ADARB2: variants seen among roughly 807,000 people sequenced by gnomAD.
ADARB2 encodes inactive double-stranded RNA-specific editase B2.
ADARB2 carries 25 observed loss-of-function variants against 62.2 expected under a neutral mutation model. The ratio of observed to expected loss-of-function variants is 0.40; its 90% CI spans 0.29 to 0.56. The LOEUF (loss-of-function observed/expected upper bound fraction) is 0.56, where lower values mean the gene tolerates loss of function less well. Among genes scored for constraint, ADARB2 ranks in the 20% least tolerant of loss-of-function variants. The pLI, the probability that ADARB2 is intolerant of heterozygous loss-of-function variation, is 0.43. For missense variants in ADARB2, 1,071 were observed against 1,077.4 expected, an observed-to-expected ratio of 0.99 and a Z score of 0.08; for synonymous variants, 572 against 500.8, an observed-to-expected ratio of 1.14 and a Z score of -1.90.
intron 1 of ADARB2, among the ~76,000 whole-genome samples, chr10:1,596,466 A>G (rs1347025271): frequency 6.6e-6 from 1 of 152,222 alleles, no homozygotes; most frequent in East Asian, 1.9e-4. Flanking sequence ...AAAGTCCGGC[A>G]CCGGGAGAGA....
chr10:1,271,330 A>G (rs1831260554), intron 3 of ADARB2, among the ~76,000 whole-genome samples: 1 of 152,208 alleles, frequency 6.6e-6, no homozygotes, highest in Admixed American at 6.5e-5. Flanking sequence ...GAGCTCTGCC[A>G]ACCTCCCCAT....
At chr10:1,540,082 C>T (rs1187611066) in intron 1 of ADARB2, among the ~76,000 whole-genome samples, 3 of 152,118 alleles carry the variant, frequency 2.0e-5, no homozygotes, top group African/African-American at 4.8e-5. Flanking sequence ...TTATCTGAAT[C>T]GTGGCAGCTC....
In ADARB2 at chr10:1,696,566, T is replaced by C. The variant is rs1256065208; in HGVS notation, c.100+40485A>G. ...ATTGCTTTGTCCTCTGAGGGTATGT[T>C]ATCAGAGGTGGTAGACATTTAGGCC... On this transcript the variant is annotated intron_variant, in intron 1 of 9. Transcript: ENST00000381312. Among the ~76,000 whole-genome samples, 7 of 152,332 alleles carry C rather than the reference T, an allele frequency of 4.6e-5. 1 individual carries two copies. The highest frequency in any genetic ancestry group is 1.0e-4 in the Non-Finnish European group (7 of 68,028).
At position 1,576,960 on chromosome 10, in the gene ADARB2, G is replaced by A. The variant is rs538436107; in HGVS notation, c.100+160091C>T. Among the ~76,000 whole-genome samples, 7 of 152,288 alleles carry A rather than the reference G, an allele frequency of 4.6e-5. No individual in the cohort carries two copies. In the East Asian group the frequency reaches 1.2e-3, roughly 25 times the overall value. On this transcript the variant is annotated intron_variant, in intron 1 of 9. Transcript: ENST00000381312. Reference sequence around the variant, plus strand: ...CAAGGGGCTGGGGCTGGGTGACAGCGGGCCTCAGGCTCTGGGTAGGTTGCT... The same window carrying A: ...CAAGGGGCTGGGGCTGGGTGACAGCAGGCCTCAGGCTCTGGGTAGGTTGCT...
chr10:1,653,577 A>AGAGCCACAGTCTCCACCAGACGCCTCG (rs1564359194), intron 1 of ADARB2, among the ~76,000 whole-genome samples: 24 of 144,768 alleles, frequency 1.7e-4, no homozygotes, highest in African/African-American at 5.8e-4. Context: ...CCCACGCCTC[A>AGAGCCACAGTCTCCACCAGACGCCTCG]TGTGCCTGCA....
chr10:1,202,989 T>G (rs903821852), intron 7 of ADARB2, among the ~76,000 whole-genome samples: 5 of 152,188 alleles, frequency 3.3e-5, no homozygotes, highest in Non-Finnish European at 7.4e-5. Flanking sequence ...AACCTTCTCT[T>G]TGCCTGGCTA....
intron 3 of ADARB2, among the ~76,000 whole-genome samples, chr10:1,357,265 A>G (rs1832204748): frequency 6.6e-6 from 1 of 152,178 alleles, no homozygotes; most frequent in Non-Finnish European, 1.5e-5. Context: ...TGAGTGAGGG[A>G]GACAGGAAAA....
intron 1 of ADARB2, among the ~76,000 whole-genome samples, chr10:1,529,380 G>T (rs1011915588): frequency 6.6e-6 from 1 of 152,076 alleles, no homozygotes; most frequent in African/African-American, 2.4e-5. Flanking sequence ...GCCCAACACT[G>T]CGAGTCCCCC....
At chr10:1,435,222 T>C (rs539272267) in intron 1 of ADARB2, among the ~76,000 whole-genome samples, 236 of 152,268 alleles carry the variant, frequency 1.5e-3, no homozygotes, top group African/African-American at 5.5e-3. Context: ...TGGGAGCAGA[T>C]GAACGGCAGG....
At chr10:1,614,865 C>T (rs1270257460) in intron 1 of ADARB2, among the ~76,000 whole-genome samples, 2 of 151,730 alleles carry the variant, frequency 1.3e-5, no homozygotes, top group African/African-American at 2.4e-5. Flanking sequence ...GAGCTGAGAT[C>T]GCGCCAGTGC....
intron 1 of ADARB2, among the ~76,000 whole-genome samples, chr10:1,705,900 G>C (rs749070353): frequency 8.5e-5 from 13 of 152,122 alleles, no homozygotes; most frequent in Non-Finnish European, 1.3e-4. Flanking sequence ...TGCTTCCCTA[G>C]CTATTCTAGG....
At chr10:1,592,238 C>G (rs1362874349) in intron 1 of ADARB2, among the ~76,000 whole-genome samples, 2 of 152,142 alleles carry the variant, frequency 1.3e-5, no homozygotes, top group South Asian at 2.1e-4. Flanking sequence ...CCACATGATC[C>G]CCTCTGTCAC....
intron 3 of ADARB2, among the ~76,000 whole-genome samples, chr10:1,321,418 T>G (rs1027876760): frequency 1.3e-5 from 2 of 152,116 alleles, no homozygotes; most frequent in African/African-American, 4.8e-5. Context: ...GGTCTTCCTG[T>G]CTCCCAGGCT....
intron 1 of ADARB2, among the ~76,000 whole-genome samples, chr10:1,666,207 G>A (rs7088725): frequency 0.24 from 35,978 of 152,226 alleles, 4,609 homozygotes; most frequent in Middle Eastern, 0.31. Context: ...GGAAGACCCC[G>A]CTGGAGCAAG....
chr10:1,375,259 G>A (rs1832412225), intron 2 of ADARB2, among the ~76,000 whole-genome samples: 2 of 152,218 alleles, frequency 1.3e-5, no homozygotes, highest in Admixed American at 6.5e-5. Context: ...GGTTACAGTG[G>A]CCAGATGGCA....
intron 1 of ADARB2, among the ~76,000 whole-genome samples, chr10:1,669,698 A>G (rs913965909): frequency 6.6e-6 from 1 of 151,720 alleles, no homozygotes; most frequent in African/African-American, 2.4e-5. Flanking sequence ...AGACACACAC[A>G]CCCACAGGGA....
intron 1 of ADARB2, among the ~76,000 whole-genome samples, chr10:1,651,833 G>A (rs1405612026): frequency 2.8e-5 from 1 of 36,150 alleles, no homozygotes; most frequent in African/African-American, 7.5e-5. Flanking sequence ...GGCCCCTCAG[G>A]GCTCTTCTCA....
chr10:1,556,503 G>A (rs925265672), intron 1 of ADARB2: 43 of 368,004 alleles, frequency 1.2e-4, no homozygotes, highest in Non-Finnish European at 1.9e-4. Flanking sequence ...CTGGTGCTTC[G>A]CAAACTTTGC....
intron 6 of ADARB2, among the ~76,000 whole-genome samples, chr10:1,228,178 A>G (rs954353748): frequency 6.6e-6 from 1 of 152,236 alleles, no homozygotes; most frequent in East Asian, 1.9e-4. Flanking sequence ...CATAGCATGT[A>G]CTTGTAGGTA....
Sources: allele counts gnomAD v4.1 joint callset (sites outside exome capture counted in the v4.1 genomes callset), GRCh38; gene constraint gnomAD v4.1.1; transcripts MANE v1.5; gene names NCBI Gene and HGNC (gene_info 2026-07-23, HGNC 2026-07-21).